EIF3H: variants seen among roughly 807,000 people sequenced by gnomAD.
EIF3H encodes eukaryotic translation initiation factor 3 subunit H, also known as eIF-3-gamma.
Under a neutral mutation model 44.2 loss-of-function variants are expected in EIF3H, and 26 were observed. The ratio of observed to expected loss-of-function variants is 0.59; its 90% CI spans 0.43 to 0.82. The LOEUF is 0.82. EIF3H is among the 40% of genes least tolerant of loss of function. The pLI, the probability that EIF3H is intolerant of heterozygous loss-of-function variation, is 0.00. For missense variants in EIF3H, 359 were observed against 432.8 expected (o/e 0.83, Z 1.51); for synonymous variants, 166 against 151.9 (o/e 1.09, Z -0.68).
In EIF3H at chr8:116,763,042, G is replaced by T. The variant is rs559461182; in HGVS notation, c.-27+2473C>A. ...ATCAGGAGTCTATTCCTACAAAGAA[G>T]AGAAGAGATATTGGGTGAAAATTCA... On this transcript the variant is annotated intron_variant, in intron 1 of 9. Coordinates refer to the EIF3H transcript ENST00000276682. Among the ~76,000 whole-genome samples the T allele has an allele frequency of 3.9e-5, 6 of 152,334 alleles. No homozygotes were observed. In the East Asian group the frequency reaches 1.2e-3, roughly 29 times the overall value.
intron 2 of EIF3H, among the ~76,000 whole-genome samples, chr8:116,665,096 C>G (rs1037095620): frequency 6.6e-6 from 1 of 152,154 alleles, no homozygotes; most frequent in Non-Finnish European, 1.5e-5. Flanking sequence ...GGCTAGCCAG[C>G]CACCCATTTT....
chr8:116,693,954 C>G (rs1217125602), intron 2 of EIF3H, among the ~76,000 whole-genome samples: 1 of 152,142 alleles, frequency 6.6e-6, no homozygotes, highest in Non-Finnish European at 1.5e-5. Flanking sequence ...CAGGCATGAG[C>G]TGTCACACCT....
intron 2 of EIF3H, among the ~76,000 whole-genome samples, chr8:116,703,701 T>C (rs1814419521): frequency 6.6e-6 from 1 of 152,176 alleles, no homozygotes; most frequent in Non-Finnish European, 1.5e-5. Flanking sequence ...TCATTGGAGA[T>C]GGCTCACACT....
chr8:116,653,348 A>AACACACACACACACACACACACGCAC, intron 5 of EIF3H, among the ~76,000 whole-genome samples: 1 of 144,678 alleles, frequency 6.9e-6, no homozygotes, highest in East Asian at 2.0e-4. Context: ...AACAATCAGA[A>AACACACACACACACACACACACGCAC]ACACACACAC....
chr8:116,737,099 C>T (rs754849964), intron 1 of EIF3H: 1 of 211,008 alleles, frequency 4.7e-6, no homozygotes, highest in Non-Finnish European at 9.8e-6. Flanking sequence ...ATCTCCCTGC[C>T]CAAAAAGACA....
chr8:116,721,018 A>T (rs1814734916), intron 2 of EIF3H, among the ~76,000 whole-genome samples: 1 of 152,138 alleles, frequency 6.6e-6, no homozygotes, highest in African/African-American at 2.4e-5. Flanking sequence ...AATTTGCATA[A>T]TGAGGAGCCA....
chr8:116,646,024 GA>G (rs1209266270), intron 7 of EIF3H, among the ~76,000 whole-genome samples: 1 of 152,190 alleles, frequency 6.6e-6, no homozygotes, highest in Non-Finnish European at 1.5e-5. Context: ...AGTATAACCA[GA>G]AAAAGTTTAT....
At chr8:116,729,204 T>G (rs1377012670) in intron 1 of EIF3H, among the ~76,000 whole-genome samples, 1 of 152,184 alleles carries the variant, frequency 6.6e-6, no homozygotes, top group African/African-American at 2.4e-5. Flanking sequence ...GAGCTTAACA[T>G]AGTTCTTCAG....
At chr8:116,696,428 T>C (rs183116805) in intron 2 of EIF3H, among the ~76,000 whole-genome samples, 2 of 152,194 alleles carry the variant, frequency 1.3e-5, no homozygotes, top group East Asian at 1.9e-4. Flanking sequence ...CATGACTAAA[T>C]TGAAAATTTC....
chr8:116,650,771 C>T (rs760283414), intron 5 of EIF3H, among the ~76,000 whole-genome samples: 2 of 152,166 alleles, frequency 1.3e-5, no homozygotes, highest in Non-Finnish European at 2.9e-5. Flanking sequence ...CTCAGCCTCT[C>T]GAGTAGCTGG....
chr8:116,750,260 GTAA>G (rs1201306194), intron 1 of EIF3H, among the ~76,000 whole-genome samples: 5 of 152,270 alleles, frequency 3.3e-5, no homozygotes, highest in African/African-American at 1.2e-4. Flanking sequence ...AAAAAACAGA[GTAA>G]GTCGATTAAG....
intron 2 of EIF3H, among the ~76,000 whole-genome samples, chr8:116,690,701 G>A (rs1348773851): frequency 6.6e-6 from 1 of 152,132 alleles, no homozygotes; most frequent in Non-Finnish European, 1.5e-5. Context: ...AGGTGTGATT[G>A]ACATTAGGAT....
At chr8:116,697,960 C>T (rs1814296359) in intron 2 of EIF3H, among the ~76,000 whole-genome samples, 2 of 152,194 alleles carry the variant, frequency 1.3e-5, no homozygotes, top group Admixed American at 1.3e-4. Flanking sequence ...ACATTAAGTG[C>T]TTACTAAAAG....
intron 1 of EIF3H, among the ~76,000 whole-genome samples, chr8:116,745,952 G>T (rs368534664): frequency 1.1e-3 from 160 of 151,900 alleles, no homozygotes; most frequent in African/African-American, 3.6e-3. Context: ...AAGTCAGATG[G>T]ACTTAGAATT....
Position 116,693,333 on chromosome 8 carries a change from A to G in EIF3H, c.289+32683T>C, listed in dbSNP as rs540442740. ...TTAGCTCAACAGAGTGAGCTCCTTA[A>G]GAGTGAGGAGTGCTACTCTTCAGGG... On this transcript the variant is annotated intron_variant, in intron 2 of 7. Transcript: ENST00000521861. Among the ~76,000 whole-genome samples, 6 of 152,342 alleles carry G rather than the reference A, an allele frequency of 3.9e-5. No homozygotes were observed. The East Asian group carries it at 1.2e-3, about 29-fold the overall frequency.
intron 2 of EIF3H, among the ~76,000 whole-genome samples, chr8:116,698,617 C>T (rs1814312738): frequency 6.6e-6 from 1 of 152,190 alleles, no homozygotes; most frequent in Admixed American, 6.5e-5. Flanking sequence ...CTCTGTTTTA[C>T]AGATGAGGAA....
chr8:116,645,895 T>C (rs1813287865), intron 7 of EIF3H, among the ~76,000 whole-genome samples: 1 of 152,238 alleles, frequency 6.6e-6, no homozygotes, highest in Non-Finnish European at 1.5e-5. Flanking sequence ...CTGAATCAGA[T>C]GGCATTTAAC....
At chr8:116,646,395 T>C in intron 7 of EIF3H, 76 bp downstream of exon 7, 2 of 1,602,272 alleles carry the variant, frequency 1.2e-6, no homozygotes, top group African/African-American at 1.3e-5. Flanking sequence ...TGCTTTTCTG[T>C]TTGTAAATTT....
intron 1 of EIF3H, among the ~76,000 whole-genome samples, chr8:116,753,025 T>C (rs1044115074): frequency 1.3e-5 from 2 of 152,202 alleles, no homozygotes; most frequent in Admixed American, 1.3e-4. Flanking sequence ...GTATTCCCTG[T>C]ATTAACAATG....
Sources: allele counts gnomAD v4.1 joint callset (sites outside exome capture counted in the v4.1 genomes callset), GRCh38; gene constraint gnomAD v4.1.1; transcripts MANE v1.5; gene names NCBI Gene and HGNC (gene_info 2026-07-23, HGNC 2026-07-21).